TMCO4: variants seen among roughly 807,000 people sequenced by gnomAD.
TMCO4 encodes transmembrane and coiled-coil domain-containing protein 4.
Under a neutral mutation model 64.7 loss-of-function variants are expected in TMCO4, and 58 were observed. The observed-to-expected ratio is 0.90, with a 90% CI of 0.73 to 1.12. The LOEUF (loss-of-function observed/expected upper bound fraction) is 1.12. Ranked by LOEUF, TMCO4 falls within the 50% of genes most tolerant of loss-of-function variation. The probability of loss-of-function intolerance (pLI) is 0.00; values close to 1 mark genes in which losing one functional copy is unlikely to be tolerated. For missense variants in TMCO4, 780 were observed against 825.9 expected, an observed-to-expected ratio of 0.94 and a Z score of 0.68; for synonymous variants, 325 against 346.1, an observed-to-expected ratio of 0.94 and a Z score of 0.68.
At chr1:19,727,365 A>G (rs747598897) in intron 13 of TMCO4, among the ~76,000 whole-genome samples, 40 of 152,310 alleles carry the variant, frequency 2.6e-4, no homozygotes, top group Non-Finnish European at 5.4e-4. Context: ...GCTCCGTGGG[A>G]TGACTGATGT....
chr1:19,699,549 A>G (rs1333089239), intron 14 of TMCO4, among the ~76,000 whole-genome samples: 1 of 149,920 alleles, frequency 6.7e-6, no homozygotes, highest in African/African-American at 2.5e-5. Flanking sequence ...ACTCTCTCCC[A>G]GGCCCTCCAG....
chr1:19,746,935 A>C (rs1379719489), intron 8 of TMCO4, among the ~76,000 whole-genome samples: 5 of 151,130 alleles, frequency 3.3e-5, no homozygotes, highest in Admixed American at 6.6e-5. Context: ...AAAAAAAAAA[A>C]AAAAAAAAAA....
At chr1:19,688,070 C>G (rs1390990428) in intron 15 of TMCO4, among the ~76,000 whole-genome samples, 1 of 152,198 alleles carries the variant, frequency 6.6e-6, no homozygotes, top group African/African-American at 2.4e-5. Context: ...CTGACCATCT[C>G]CCAGGCTGTC....
intron 2 of TMCO4, among the ~76,000 whole-genome samples, chr1:19,795,720 G>C (rs1007231509): frequency 4.6e-5 from 7 of 152,110 alleles, no homozygotes; most frequent in Non-Finnish European, 8.8e-5. Context: ...TTGTGCCTGG[G>C]TCTTAGGCCA....
intron 2 of TMCO4, among the ~76,000 whole-genome samples, chr1:19,794,292 C>A (rs2044198955): frequency 1.3e-5 from 2 of 152,226 alleles, no homozygotes; most frequent in Admixed American, 6.5e-5. Context: ...AGCTGCTCCA[C>A]TTTGTCCACA....
chr1:19,771,871 TG>T (rs1188536055), intron 4 of TMCO4, among the ~76,000 whole-genome samples: 2 of 152,186 alleles, frequency 1.3e-5, no homozygotes, highest in African/African-American at 4.8e-5. Flanking sequence ...TTGGCCAGGC[TG>T]GTCTTGAACT....
chr1:19,701,451 C>T (rs1179152018), intron 13 of TMCO4, among the ~76,000 whole-genome samples: 3 of 152,142 alleles, frequency 2.0e-5, no homozygotes, highest in African/African-American at 4.8e-5. Flanking sequence ...GGATTACAAG[C>T]GTGAGCCACC....
intron 4 of TMCO4, among the ~76,000 whole-genome samples, chr1:19,777,198 G>A (rs1055713682): frequency 1.3e-5 from 2 of 152,204 alleles, no homozygotes; most frequent in South Asian, 4.2e-4. Context: ...CCTCCCTGAC[G>A]GGAGACTTGG....
intron 13 of TMCO4, among the ~76,000 whole-genome samples, chr1:19,716,910 G>A (rs981481894): frequency 2.0e-5 from 3 of 152,146 alleles, no homozygotes; most frequent in South Asian, 2.1e-4. Context: ...ATCCAGGGCC[G>A]GGCGCGGTGG....
intron 15 of TMCO4, among the ~76,000 whole-genome samples, chr1:19,691,164 G>A (rs1013056574): frequency 5.9e-5 from 9 of 152,062 alleles, no homozygotes; most frequent in African/African-American, 1.9e-4. Flanking sequence ...CACTGCACCC[G>A]GCCCCTGTGA....
rs184002231 is a variant in TMCO4, at chr1:19,776,069, G to A, written c.179+4511C>T. 5.9e-5 allele frequency among the ~76,000 whole-genome samples: 9 copies of A among 152,170 alleles called. 1 individual carries two copies. The South Asian group carries it at 1.9e-3, about 32-fold the overall frequency. On this transcript the variant is annotated intron_variant, in intron 4 of 15. Coordinates refer to ENST00000294543, the MANE Select transcript of TMCO4 (RefSeq NM_181719.7). The stretch of plus-strand genomic sequence containing the variant: ...ATTACAGGCATATACCACCACATCC[G>A]GCTAATCTTTGTATTTTTAGTAGAG...
intron 6 of TMCO4, among the ~76,000 whole-genome samples, chr1:19,760,851 A>T (rs1250887704): frequency 6.6e-6 from 1 of 152,272 alleles, no homozygotes. Flanking sequence ...GAGGAATGGA[A>T]TATTTGTAGA....
chr1:19,748,385 T>C (rs1192740843), intron 7 of TMCO4, among the ~76,000 whole-genome samples: 4 of 152,230 alleles, frequency 2.6e-5, no homozygotes, highest in Admixed American at 1.3e-4. Context: ...AATAAAGTTA[T>C]ATTGAGAATG....
chr1:19,702,669 C>T (rs909800131), intron 13 of TMCO4, among the ~76,000 whole-genome samples: 5 of 152,170 alleles, frequency 3.3e-5, no homozygotes, highest in African/African-American at 1.2e-4. Context: ...GAGGCTGAGG[C>T]AGGGAGATTG....
chr1:19,746,855 C>A (rs1432255570), intron 8 of TMCO4, among the ~76,000 whole-genome samples: 1 of 139,810 alleles, frequency 7.2e-6, no homozygotes, highest in Non-Finnish European at 1.5e-5. Flanking sequence ...ACCTCGGAGG[C>A]GGAGCTTGCA....
chr1:19,722,583 C>T (rs1020880605), intron 13 of TMCO4, among the ~76,000 whole-genome samples: 7 of 152,150 alleles, frequency 4.6e-5, no homozygotes, highest in African/African-American at 1.7e-4. Flanking sequence ...TTGTGGCCTT[C>T]TGGGTAATTA....
chr1:19,710,822 C>T (rs1372071130), intron 13 of TMCO4, among the ~76,000 whole-genome samples: 1 of 152,220 alleles, frequency 6.6e-6, no homozygotes, highest in African/African-American at 2.4e-5. Context: ...GGACAACTAG[C>T]AGGCTAGAAT....
intron 13 of TMCO4, among the ~76,000 whole-genome samples, chr1:19,703,240 G>A (rs987676484): frequency 5.9e-5 from 9 of 152,200 alleles, no homozygotes; most frequent in African/African-American, 2.2e-4. Context: ...TATGTGACTT[G>A]AACCAAATCA....
At chr1:19,690,161 C>T (rs568447864) in intron 15 of TMCO4, among the ~76,000 whole-genome samples, 5 of 152,350 alleles carry the variant, frequency 3.3e-5, no homozygotes, top group East Asian at 3.9e-4. Flanking sequence ...TAAAACTCCT[C>T]GCCTTGCTCA....
Sources: gnomAD v4.1 joint callset for allele counts (sites outside exome capture counted in the v4.1 genomes callset) on GRCh38, gnomAD v4.1.1 for gene constraint, MANE v1.5 for transcripts, NCBI Gene and HGNC (gene_info 2026-07-23, HGNC 2026-07-21) for gene names.